Variants in CCSER2 observed in about 807,000 individuals in gnomAD.
The protein encoded by CCSER2 is coiled-coil serine rich protein 2, also known as serine-rich coiled-coil domain-containing protein 2.
Under a neutral mutation model 92.3 loss-of-function variants are expected in CCSER2, and 46 were observed. The ratio of observed to expected loss-of-function variants is 0.50; its 90% CI spans 0.39 to 0.64. The LOEUF (loss-of-function observed/expected upper bound fraction) is 0.64, where lower values mean the gene tolerates loss of function less well. Among genes scored for constraint, CCSER2 ranks in the 30% least tolerant of loss-of-function variants. The pLI, the probability that CCSER2 is intolerant of heterozygous loss-of-function variation, is 0.00. For synonymous variants in CCSER2, 433 were observed against 431.4 expected (o/e 1.00, Z -0.04); for missense variants, 1,244 against 1,238.9 (o/e 1.00, Z -0.06).
chr10:84,434,884 T>A, intron 5 of CCSER2, among the ~76,000 whole-genome samples: 1 of 152,172 alleles, frequency 6.6e-6, no homozygotes, highest in East Asian at 1.9e-4. Context: ...TGGACTCAGA[T>A]CATCTATGCA....
intron 3 of CCSER2, among the ~76,000 whole-genome samples, chr10:84,405,082 T>TA: frequency 6.6e-6 from 1 of 152,218 alleles, no homozygotes; most frequent in Non-Finnish European, 1.5e-5. Flanking sequence ...ATTTTAAAGC[T>TA]ACAGCAATCA....
chr10:84,380,470 A>ATTAAATC (rs1225660299), intron 3 of CCSER2, among the ~76,000 whole-genome samples: 1 of 152,122 alleles, frequency 6.6e-6, no homozygotes, highest in African/African-American at 2.4e-5. Flanking sequence ...GCTTTTGACA[A>ATTAAATC]TTAAATCTAG....
At chr10:84,334,415 T>C (rs1843726514) in intron 1 of CCSER2, among the ~76,000 whole-genome samples, 2 of 152,116 alleles carry the variant, frequency 1.3e-5, no homozygotes, top group South Asian at 4.1e-4. Flanking sequence ...GTATGTGAGA[T>C]GTAATTTCTG....
At chr10:84,338,049 G>A (rs958595764) in intron 1 of CCSER2, among the ~76,000 whole-genome samples, 2 of 152,120 alleles carry the variant, frequency 1.3e-5, no homozygotes, top group African/African-American at 4.8e-5. Context: ...GGGAGGCTGA[G>A]GCAGTTGGAT....
At chr10:84,444,261 A>G (rs916457177) in intron 6 of CCSER2, among the ~76,000 whole-genome samples, 1 of 152,212 alleles carries the variant, frequency 6.6e-6, no homozygotes, top group Non-Finnish European at 1.5e-5. Flanking sequence ...TGTTGGTAGT[A>G]GTAAGCCAAA....
At chr10:84,377,223 C>T (rs760466056) in intron 3 of CCSER2, among the ~76,000 whole-genome samples, 8 of 152,022 alleles carry the variant, frequency 5.3e-5, no homozygotes, top group African/African-American at 9.7e-5. Flanking sequence ...TTCCCTTTAC[C>T]GTTACCACTT....
At chr10:84,374,203 A>G (rs557381413) in intron 3 of CCSER2, among the ~76,000 whole-genome samples, 8 of 152,200 alleles carry the variant, frequency 5.3e-5, no homozygotes, top group South Asian at 2.1e-4. Context: ...TTAACATCCC[A>G]CAGTCCACAA....
chr10:84,371,844 T>G lies in CCSER2; in HGVS notation c.792T>G (p.Pro264=), dbSNP rs755333378. The G allele has an allele frequency of 3.1e-6, 5 of 1,613,932 alleles. No individual in the cohort carries two copies. The highest frequency in any genetic ancestry group is 1.7e-6 in the Non-Finnish European group (2 of 1,179,878). ...ACCAACAGCTATCCATTAGAGTGCC[T>G]CTACGGTCAAGTATGCTAACAAGAA... ...YQNQQLSIRV[P]LRSSMLTRNS... is the part of the protein sequence containing the mutation. The change falls in exon 2 of 10, where the codon CCT becomes CCG. Residue 264 remains proline, a synonymous_variant. Coordinates refer to ENST00000372088, the MANE Select transcript of CCSER2 (RefSeq NM_001284240.2).
intron 9 of CCSER2, among the ~76,000 whole-genome samples, chr10:84,499,519 C>G (rs1441606214): frequency 1.3e-5 from 2 of 152,100 alleles, no homozygotes; most frequent in African/African-American, 4.8e-5. Context: ...CACCTAAAGT[C>G]TATCTCCCCC....
In CCSER2 at chr10:84,516,334, G is replaced by A. The variant is rs1849595565; in HGVS notation, c.*2067G>A. On this transcript the variant is annotated 3_prime_UTR_variant, in exon 10 of 10. Coordinates refer to ENST00000372088, the MANE Select transcript of CCSER2 (RefSeq NM_001284240.2). ...ATGGAGAAGCAGTGAAGTTCAGAAC[G>A]TTCTTCACATAGTCCAGATACTGTT... The A allele has an allele frequency of 6.6e-6, 1 of 152,176 alleles. No individual in the cohort carries two copies. The highest frequency in any genetic ancestry group is 2.4e-5 in the African/African-American group (1 of 41,438). The allele number at this position is 152,176 out of a possible 1,614,324, so 9.4% of individuals were successfully genotyped here.
At chr10:84,402,238 A>C (rs539885791) in intron 3 of CCSER2, among the ~76,000 whole-genome samples, 87 of 152,296 alleles carry the variant, frequency 5.7e-4, no homozygotes, top group African/African-American at 2.1e-3. Flanking sequence ...ATGCAAGTGA[A>C]TACCGTATGA....
At position 84,371,257 on chromosome 10, in the gene CCSER2, GC is replaced by G; in HGVS notation, c.206del (p.Ala69GlufsTer24). 1.2e-6 allele frequency: 2 copies of G among 1,613,032 alleles called. No homozygotes were observed. The highest frequency in any genetic ancestry group is 8.5e-7 in the Non-Finnish European group (1 of 1,179,460). ...PSSHSFNWRK[A>X]NKYQLCAQGV... ...ATCTCATTCATTTAATTGGAGGAAA[GC>G]AAATAAATATCAGCTTTGTGCACAA... is the stretch of plus-strand genomic sequence containing the variant. On this transcript the variant is annotated frameshift_variant, in exon 2 of 10. Transcript: ENST00000372088. LOFTEE classifies it high-confidence loss of function.
At chr10:84,423,476 A>G (rs1017630969) in intron 4 of CCSER2, among the ~76,000 whole-genome samples, 8 of 152,228 alleles carry the variant, frequency 5.3e-5, no homozygotes, top group Admixed American at 4.6e-4. Flanking sequence ...AGCAAATACA[A>G]AAGCACCACA....
At chr10:84,439,286 T>C (rs1461213504) in intron 6 of CCSER2, among the ~76,000 whole-genome samples, 1 of 151,662 alleles carries the variant, frequency 6.6e-6, no homozygotes, top group East Asian at 1.9e-4. Context: ...TCCTGGCATC[T>C]GATTCAGTAG....
chr10:84,463,256 T>C (rs1015624889), intron 6 of CCSER2, among the ~76,000 whole-genome samples: 6 of 152,218 alleles, frequency 3.9e-5, no homozygotes, highest in African/African-American at 1.4e-4. Flanking sequence ...TGTACCAATC[T>C]TAAGTGTACA....
At chr10:84,428,168 C>A (rs1843541565) in intron 5 of CCSER2, among the ~76,000 whole-genome samples, 1 of 152,086 alleles carries the variant, frequency 6.6e-6, no homozygotes, top group Admixed American at 6.5e-5. Context: ...GGTCTCCAAC[C>A]TTTTTGGCAC....
rs867334627 is a variant in CCSER2, at chr10:84,457,287, T to A, written c.2065-6646T>A. On this transcript the variant is annotated intron_variant, in intron 6 of 9. Coordinates refer to ENST00000372088, the MANE Select transcript of CCSER2 (RefSeq NM_001284240.2). ...ATATTATATATAATATATTATATAT[T>A]ATATATTATATATAATATGTTATAT... is the stretch of plus-strand genomic sequence containing the variant. Among the ~76,000 whole-genome samples the A allele has an allele frequency of 5.7e-3, 289 of 51,018 alleles. 6 individuals are homozygous for A. The highest frequency in any genetic ancestry group is 0.012 in the South Asian group (25 of 2,146). The allele number at this position is 51,018 out of a possible 152,430, so 33.5% of individuals were successfully genotyped here.
chr10:84,470,261 T>TCC, intron 7 of CCSER2, 111 bp from the exon 8 acceptor site: 1 of 533,090 alleles, frequency 1.9e-6, no homozygotes, highest in African/African-American at 2.0e-5. Flanking sequence ...ATAGAGGATT[T>TCC]CCCCCCTAAA....
intron 5 of CCSER2, among the ~76,000 whole-genome samples, chr10:84,433,178 G>A (rs896814358): frequency 6.6e-6 from 1 of 151,972 alleles, no homozygotes; most frequent in Non-Finnish European, 1.5e-5. Context: ...CTTCAATATT[G>A]TTTCGGATAT....
Sources: allele counts gnomAD v4.1 joint callset (sites outside exome capture counted in the v4.1 genomes callset), GRCh38; gene constraint gnomAD v4.1.1; transcripts MANE v1.5; gene names NCBI Gene and HGNC (gene_info 2026-07-23, HGNC 2026-07-21).